The following STAG1 variants were observed in gnomAD, a reference collection of about 807,000 sequenced individuals.
STAG1 encodes the protein STAG1 cohesin complex component, also known as cohesin subunit SA-1.
Under a neutral mutation model 170.9 loss-of-function variants are expected in STAG1, and 26 were observed. The ratio of observed to expected loss-of-function variants is 0.15; its 90% CI spans 0.11 to 0.21. The LOEUF (loss-of-function observed/expected upper bound fraction) is 0.21. Among genes scored for constraint, STAG1 ranks in the 10% least tolerant of loss-of-function variants. The pLI, the probability that STAG1 is intolerant of heterozygous loss-of-function variation, is 1.00. For synonymous variants in STAG1, 514 were observed against 497.7 expected (o/e 1.03, Z -0.44); for missense variants, 964 against 1,509.5 (o/e 0.64, Z 5.99).
At chr3:136,503,145 A>T (rs1468521409) in intron 7 of STAG1, among the ~76,000 whole-genome samples, 1 of 152,216 alleles carries the variant, frequency 6.6e-6, no homozygotes, top group Non-Finnish European at 1.5e-5. Context: ...ATGAGTATAT[A>T]TAAATGCATC....
intron 22 of STAG1, among the ~76,000 whole-genome samples, chr3:136,397,447 TTTTC>T (rs1470345766): frequency 7.1e-5 from 9 of 127,492 alleles, no homozygotes; most frequent in South Asian, 2.8e-4. Flanking sequence ...TCTCAACTTT[TTTTC>T]TTTCTTTTTT....
intron 29 of STAG1, among the ~76,000 whole-genome samples, chr3:136,347,395 CAAAAAAAAAA>C (rs34533734): frequency 1.3e-5 from 1 of 78,726 alleles, no homozygotes; most frequent in Non-Finnish European, 2.3e-5. Flanking sequence ...GATCCTGTCT[CAAAAAAAAAA>C]AAAAAAAAAA....
At chr3:136,640,365 T>C (rs1940743786) in intron 1 of STAG1, among the ~76,000 whole-genome samples, 1 of 151,112 alleles carries the variant, frequency 6.6e-6, no homozygotes, top group African/African-American at 2.4e-5. Context: ...CACCATTAGA[T>C]AACTTTTTTT....
At chr3:136,751,946 G>A (rs1288450731) in intron 1 of STAG1, among the ~76,000 whole-genome samples, 2 of 150,788 alleles carry the variant, frequency 1.3e-5, no homozygotes, top group Non-Finnish European at 3.0e-5. Flanking sequence ...CGAAGACGCC[G>A]GGGTGCCCAC....
At chr3:136,446,352 CAT>C (rs1371521600) in intron 14 of STAG1, among the ~76,000 whole-genome samples, 1 of 152,080 alleles carries the variant, frequency 6.6e-6, no homozygotes, top group Non-Finnish European at 1.5e-5. Flanking sequence ...TAATAATCTG[CAT>C]ATAGAGTCTA....
intron 28 of STAG1, among the ~76,000 whole-genome samples, chr3:136,356,308 G>C (rs1936651017): frequency 6.6e-6 from 1 of 152,038 alleles, no homozygotes; most frequent in South Asian, 2.1e-4. Flanking sequence ...TCTTTACTTA[G>C]AACTATCACT....
At chr3:136,349,038 G>A in intron 29 of STAG1, 120 bp downstream of exon 29, 6 of 778,972 alleles carry the variant, frequency 7.7e-6, no homozygotes, top group South Asian at 1.7e-5. Context: ...ATCTCATTGT[G>A]AATAAAATAT....
intron 4 of STAG1, among the ~76,000 whole-genome samples, chr3:136,589,628 CAAAAAAAAAA>C (rs71626007): frequency 1.1e-4 from 5 of 46,192 alleles, no homozygotes; most frequent in East Asian, 1.4e-3. Context: ...CAAAGGGAGC[CAAAAAAAAAA>C]AAAAAAAAAA....
At chr3:136,551,269 G>A (rs554990517) in intron 5 of STAG1, among the ~76,000 whole-genome samples, 43 of 147,368 alleles carry the variant, frequency 2.9e-4, no homozygotes, top group Admixed American at 2.5e-3. Context: ...GAGGGAGAGC[G>A]AGAGAGCGTG....
intron 16 of STAG1, among the ~76,000 whole-genome samples, chr3:136,428,833 T>A (rs2088209211): frequency 6.6e-6 from 1 of 152,030 alleles, no homozygotes; most frequent in African/African-American, 2.4e-5. Context: ...CTTAGAGAAA[T>A]TAGAGAGCAA....
chr3:136,456,631 A>G (rs142937222), intron 13 of STAG1, among the ~76,000 whole-genome samples: 86 of 152,362 alleles, frequency 5.6e-4, no homozygotes, highest in African/African-American at 2.0e-3. Flanking sequence ...CTGGAGAAAG[A>G]CAACAGCATC....
At chr3:136,360,742 C>A (rs189519085) in intron 26 of STAG1, among the ~76,000 whole-genome samples, 1 of 152,194 alleles carries the variant, frequency 6.6e-6, no homozygotes, top group East Asian at 1.9e-4. Flanking sequence ...GATCTTGGCT[C>A]ACTGCAAGCT....
chr3:136,349,064 G>A, intron 29 of STAG1, 94 bp downstream of exon 29: 2 of 947,936 alleles, frequency 2.1e-6, no homozygotes, highest in Non-Finnish European at 3.4e-6. Flanking sequence ...AAAATCATGT[G>A]CCTGATACTA....
chr3:136,463,465 T>C (rs2089332770), intron 13 of STAG1, among the ~76,000 whole-genome samples: 1 of 152,136 alleles, frequency 6.6e-6, no homozygotes, highest in Non-Finnish European at 1.5e-5. Flanking sequence ...AATAAACTTT[T>C]AAAATCACTT....
At chr3:136,458,523 A>G (rs1046049783) in intron 13 of STAG1, among the ~76,000 whole-genome samples, 8 of 152,216 alleles carry the variant, frequency 5.3e-5, no homozygotes, top group Admixed American at 3.3e-4. Flanking sequence ...AGCAATGTCT[A>G]TAATAGATAC....
intron 9 of STAG1, among the ~76,000 whole-genome samples, chr3:136,478,316 C>T (rs572962741): frequency 6.6e-6 from 1 of 152,278 alleles, no homozygotes; most frequent in South Asian, 2.1e-4. Flanking sequence ...GGCTTTTCAC[C>T]TCACCATAAG....
At chr3:136,533,086 C>T (rs1935457335) in intron 6 of STAG1, among the ~76,000 whole-genome samples, 1 of 151,944 alleles carries the variant, frequency 6.6e-6, no homozygotes, top group Non-Finnish European at 1.5e-5. Flanking sequence ...ATTTTTTCAA[C>T]ATATAAAAAT....
chr3:136,547,571 G>A (rs1576593469), intron 5 of STAG1, among the ~76,000 whole-genome samples: 1 of 152,082 alleles, frequency 6.6e-6, no homozygotes, highest in East Asian at 1.9e-4. Context: ...GTGTAATCAA[G>A]CAGTTATTTG....
rs563826647 is a variant in STAG1 at position 136,477,801 on chromosome 3, A to G, written c.903-389T>C. Among the ~76,000 whole-genome samples the G allele has an allele frequency of 2.0e-5, 3 of 152,212 alleles. No homozygotes were observed. In the East Asian group the frequency reaches 5.8e-4, roughly 29 times the overall value. ...AGAACTGTTAATCTTTTTTTAAAAA[A>G]TTATTATTAAATGGAGTCTTGCTCT... On this transcript the variant is annotated intron_variant, in intron 9 of 33. Coordinates refer to ENST00000383202, the MANE Select transcript of STAG1 (RefSeq NM_005862.3).
Sources: allele counts gnomAD v4.1 joint callset (sites outside exome capture counted in the v4.1 genomes callset), GRCh38; gene constraint gnomAD v4.1.1; transcripts MANE v1.5; gene names NCBI Gene and HGNC (gene_info 2026-07-23, HGNC 2026-07-21).